Variants in COL11A2 observed in about 807,000 individuals in gnomAD.
COL11A2 encodes the protein collagen alpha-2(XI) chain.
A neutral mutation model predicts 273.4 loss-of-function variants in COL11A2; 116 were observed. The observed-to-expected ratio is 0.42, with a 90% confidence interval of 0.36 to 0.49. The LOEUF (loss-of-function observed/expected upper bound fraction) is 0.49. Among genes scored for constraint, COL11A2 ranks in the 20% least tolerant of loss-of-function variants. The pLI, the probability that COL11A2 is intolerant of heterozygous loss-of-function variation, is 0.00. For synonymous variants in COL11A2, 782 were observed against 864.2 expected (o/e 0.90, Z 1.67); for missense variants, 1,866 against 2,309.0 (o/e 0.81, Z 3.93).
At chr6:33,172,969 G>A in intron 38 of COL11A2, 91 bp downstream of exon 38, 1 of 1,379,678 alleles carries the variant, frequency 7.2e-7, no homozygotes. Context: ...TGGGTCAGGT[G>A]GACCGGGGCA....
intron 3 of COL11A2, 25 bp from the exon 4 acceptor site, chr6:33,188,549 G>A (rs1772704109): frequency 6.2e-7 from 1 of 1,612,892 alleles, no homozygotes. Flanking sequence ...AGAGGTTCAA[G>A]TGAACTCTTG....
In COL11A2 at chr6:33,179,445, G is replaced by A. The variant is rs752552097; in HGVS notation, c.1489C>T (p.Arg497Cys). 80 of 1,568,910 alleles carry A rather than the reference G, an allele frequency of 5.1e-5. 1 individual carries two copies. Among genetic ancestry groups the A allele is most frequent in the Admixed American group, 7.6e-5 (4 of 52,886 alleles). The change falls in exon 14 of 66, where the codon CGC becomes TGC. Residue 497 changes from arginine to cysteine, a missense_variant. Physicochemically the swap from Arg to Cys is radical, Grantham distance 180 (BLOSUM62 -3). Coordinates refer to ENST00000341947, the MANE Select transcript of COL11A2 (RefSeq NM_080680.3). This position sits in a 1 kb window ranked among gnomAD's most constrained non-coding sequence, Gnocchi z 6.4. ...TGCTCACTCACCAAGGGTCCAGGGC[G>A]CCCTGTGTATCCCATGGGGCCAGGG... ...GPPGPMGYTG[R>C]PGPLGQPGSP... is the part of the protein sequence containing the mutation.
chr6:33,176,840 A>G lies in COL11A2; in HGVS notation c.2071-75T>C. On this transcript the variant is annotated intron_variant, in intron 25 of 65. Coordinates refer to ENST00000341947, the MANE Select transcript of COL11A2 (RefSeq NM_080680.3). This position sits in a 1 kb window ranked among gnomAD's most constrained non-coding sequence, Gnocchi z 4.9. ...TGCACCCCTCCCTACACTTCTTCCA[A>G]CCCAAATTTCCTGTGACCTAGTGAA... is the stretch of plus-strand genomic sequence containing the variant. 2 of 1,564,194 alleles carry G rather than the reference A, an allele frequency of 1.3e-6. No homozygotes were observed. The highest frequency in any genetic ancestry group is 1.7e-6 in the Non-Finnish European group (2 of 1,147,888).
Position 33,173,514 on chromosome 6 carries a change from C to A in COL11A2, c.2670G>T (p.Pro890=). ...GPQGPNGFPG[P]KGPPGPPGKD... is the part of the protein sequence containing the mutation. The stretch of plus-strand genomic sequence containing the variant: ...GGGGTCAACTTACCGGGGGTCCTTT[C>A]GGTCCAGGAAACCCGTTGGGACCCT... The change falls in exon 36 of 66, where the codon CCG becomes CCT. Residue 890 remains proline (P), a synonymous_variant. Coordinates refer to ENST00000341947, the MANE Select transcript of COL11A2 (RefSeq NM_080680.3). The surrounding 1 kb of genome is among the most constrained non-coding windows in gnomAD (Gnocchi z 6.3). The A allele has an allele frequency of 1.9e-6, 3 of 1,609,056 alleles. No individual in the cohort carries two copies. Among genetic ancestry groups the A allele is most frequent in the Non-Finnish European group, 2.5e-6 (3 of 1,179,454 alleles).
rs758432183 is a variant in COL11A2 at position 33,170,645 on chromosome 6, G to C, written c.3475-35C>G. The C allele has an allele frequency of 6.2e-7, 1 of 1,611,788 alleles. No homozygotes were observed. Among genetic ancestry groups the C allele is most frequent in the Non-Finnish European group, 8.5e-7 (1 of 1,179,056 alleles). ...TATACAAAACATGGGCCCAGGTGAC[G>C]ACCCCACCCAAAGCACAGCCCTAGG... On this transcript the variant is annotated intron_variant, in intron 46 of 65. Transcript: ENST00000341947. The surrounding 1 kb of genome is among the most constrained non-coding windows in gnomAD (Gnocchi z 4.3).
In COL11A2 at chr6:33,189,483, T is replaced by C. The variant is rs1562391120; in HGVS notation, c.83-14A>G. On this transcript the variant is annotated splice_polypyrimidine_tract_variant and intron_variant, in intron 1 of 65. Coordinates refer to ENST00000341947, the MANE Select transcript of COL11A2 (RefSeq NM_080680.3). This position sits in a 1 kb window ranked among gnomAD's most constrained non-coding sequence, Gnocchi z 5.6. ...CAGGGGGTGCACCTGGGAGAGTCCA[T>C]GATTATCAGGAGAAGGGACATGCCC... is the stretch of plus-strand genomic sequence containing the variant. The C allele has an allele frequency of 5.6e-6, 9 of 1,612,742 alleles. No individual in the cohort carries two copies. The highest frequency in any genetic ancestry group is 1.3e-5 in the African/African-American group (1 of 74,888).
At position 33,189,882 on chromosome 6, in the gene COL11A2, T is replaced by C. The variant is rs1226864824; in HGVS notation, c.83-413A>G. 6.6e-6 allele frequency among the ~76,000 whole-genome samples: 1 copy of C among 152,154 alleles called. No homozygotes were observed. Among genetic ancestry groups the C allele is most frequent in the African/African-American group, 2.4e-5 (1 of 41,430 alleles). On this transcript the variant is annotated intron_variant, in intron 1 of 65. Transcript: ENST00000341947. This position sits in a 1 kb window ranked among gnomAD's most constrained non-coding sequence, Gnocchi z 5.6. The stretch of plus-strand genomic sequence containing the variant: ...CTCTGTCTCTTCTGTCTTCCTCCAT[T>C]TCTCTCACATTCTGTCCATCTTTTT...
intron 9 of COL11A2, 42 bp from the exon 10 acceptor site, chr6:33,181,047 C>A: frequency 6.2e-7 from 1 of 1,614,190 alleles, no homozygotes; most frequent in Non-Finnish European, 8.5e-7. Context: ...ACAGGACCAG[C>A]ACACTCAACC....
rs141049103 is a variant in COL11A2, at chr6:33,190,930, C to A, written c.82+1229G>T. 1.2e-4 allele frequency among the ~76,000 whole-genome samples: 18 copies of A among 152,246 alleles called. No individual in the cohort carries two copies. In the East Asian group the frequency reaches 3.5e-3, roughly 29 times the overall value. On this transcript the variant is annotated intron_variant, in intron 1 of 65. Coordinates refer to ENST00000341947, the MANE Select transcript of COL11A2 (RefSeq NM_080680.3). The surrounding 1 kb of genome is among the most constrained non-coding windows in gnomAD (Gnocchi z 4.5). ...CCACACCAGGCCACATACTTGCCCC[C>A]CTGTATCCAGCCTCATCTGCCCCAC...
At position 33,170,724 on chromosome 6, in the gene COL11A2, A is replaced by G; in HGVS notation, c.3474+86T>C. ...AGACTCCGCAGGCCCTCCAGTCTGC[A>G]TCGGCAGGCTGCTGGCAGAGTCTGG... On this transcript the variant is annotated intron_variant, in intron 46 of 65. Transcript: ENST00000341947. This position sits in a 1 kb window ranked among gnomAD's most constrained non-coding sequence, Gnocchi z 4.3. 1.3e-6 allele frequency: 2 copies of G among 1,580,252 alleles called. No individual in the cohort carries two copies. The highest frequency in any genetic ancestry group is 1.1e-5 in the South Asian group (1 of 90,366).
rs1435367595 is a variant in COL11A2, at chr6:33,189,402, C to T, written c.150G>A (p.Ala50=). Reference sequence around the variant, plus strand: ...CCACATCAGCTGGACAGATGCCTTTCGCTCTCCGGACACCATCAGGGAGGG... The same window carrying T: ...CCACATCAGCTGGACAGATGCCTTTTGCTCTCCGGACACCATCAGGGAGGG... The part of the protein sequence containing the change: ...FPSLPDGVRR[A]KGICPADVAY... The change falls in exon 2 of 66, where the codon GCG becomes GCA. Residue 50 remains alanine, a synonymous_variant. Transcript: ENST00000341947. The surrounding 1 kb of genome is among the most constrained non-coding windows in gnomAD (Gnocchi z 5.6). 3.7e-6 allele frequency: 6 copies of T among 1,613,150 alleles called. No individual in the cohort carries two copies. The highest frequency in any genetic ancestry group is 4.2e-6 in the Non-Finnish European group (5 of 1,180,020).
At chr6:33,171,441 G>A in intron 43 of COL11A2, 26 bp downstream of exon 43, 2 of 1,610,812 alleles carry the variant, frequency 1.2e-6, no homozygotes, top group Non-Finnish European at 8.5e-7. Context: ...AAAGAAGATT[G>A]GTCGGGGTCT....
At chr6:33,174,691 C>A (rs922540116) in intron 30 of COL11A2, 111 bp from the exon 31 acceptor site, 5 of 959,068 alleles carry the variant, frequency 5.2e-6, no homozygotes, top group South Asian at 4.1e-5. Context: ...GCAACACACC[C>A]CACACACCCC....
At chr6:33,180,525 C>A in intron 11 of COL11A2, 143 bp downstream of exon 11, 2 of 943,250 alleles carry the variant, frequency 2.1e-6, no homozygotes, top group Non-Finnish European at 3.2e-6. Flanking sequence ...AGTCTGCCCT[C>A]CTTTCTGGTT....
upstream of COL11A2, chr6:33,192,628 T>G: frequency 2.9e-6 from 1 of 349,288 alleles, no homozygotes; most frequent in Non-Finnish European, 5.3e-6. Flanking sequence ...CGCTCTCTCC[T>G]GCCCCTTGTA....
At position 33,173,515 on chromosome 6, in the gene COL11A2, G is replaced by A. The variant is rs764307090; in HGVS notation, c.2669C>T (p.Pro890Leu). ...GPQGPNGFPG[P>L]KGPPGPPGKD... ...GGGTCAACTTACCGGGGGTCCTTTC[G>A]GTCCAGGAAACCCGTTGGGACCCTG... The change falls in exon 36 of 66, where the codon CCG becomes CTG. Residue 890 changes from proline (P) to leucine (L), a missense_variant. Transcript: ENST00000341947. This position sits in a 1 kb window ranked among gnomAD's most constrained non-coding sequence, Gnocchi z 6.3. 2.4e-5 allele frequency: 38 copies of A among 1,611,682 alleles called. No individual in the cohort carries two copies. The highest frequency in any genetic ancestry group is 2.3e-4 in the African/African-American group (17 of 74,534).
rs1323044554 is a variant in COL11A2 at position 33,174,157 on chromosome 6, C to T, written c.2484+8G>A. 6.3e-7 allele frequency: 1 copy of T among 1,589,126 alleles called. No homozygotes were observed. Reference sequence around the variant, plus strand: ...TCCCTTCTCACGCCCTCCCACCCCCCAGCTTACCCGGGCTCCCTTCTCTCC... The same window carrying T: ...TCCCTTCTCACGCCCTCCCACCCCCTAGCTTACCCGGGCTCCCTTCTCTCC... On this transcript the variant is annotated splice_region_variant and intron_variant, in intron 32 of 65. Transcript: ENST00000341947.
chr6:33,193,241 C>T (rs946619976), upstream of COL11A2, among the ~76,000 whole-genome samples: 1 of 151,924 alleles, frequency 6.6e-6, no homozygotes, highest in Non-Finnish European at 1.5e-5. Context: ...TGCGCCCCCA[C>T]GAGCGGGCAC....
At chr6:33,185,611 GGC>G in intron 6 of COL11A2, 88 bp downstream of exon 6, 2 of 548,922 alleles carry the variant, frequency 3.6e-6, no homozygotes, top group Admixed American at 4.0e-5. Flanking sequence ...CTCTCCCCAC[GGC>G]ATGGGGGAGG....
Sources: allele counts gnomAD v4.1 joint callset (sites outside exome capture counted in the v4.1 genomes callset), GRCh38; gene constraint gnomAD v4.1.1; non-coding constraint Gnocchi (gnomAD v3.1); transcripts MANE v1.5; gene names NCBI Gene and HGNC (gene_info 2026-07-23, HGNC 2026-07-21).